MEGF11: variants seen among roughly 807,000 people sequenced by gnomAD.
MEGF11 encodes the protein multiple epidermal growth factor-like domains protein 11.
Under a neutral mutation model 146.6 loss-of-function variants are expected in MEGF11, and 126 were observed. That is an observed-to-expected ratio of 0.86 (90% CI 0.74 to 1.00). MEGF11 has a LOEUF of 1.00. MEGF11 is among the 50% of genes least tolerant of loss of function. The pLI is 0.00. For missense variants in MEGF11, 1,509 were observed against 1,521.2 expected, an observed-to-expected ratio of 0.99 and a Z score of 0.13; for synonymous variants, 532 against 583.4, an observed-to-expected ratio of 0.91 and a Z score of 1.27.
At chr15:66,228,134 G>A (rs2091892439) in intron 1 of MEGF11, among the ~76,000 whole-genome samples, 1 of 152,168 alleles carries the variant, frequency 6.6e-6, no homozygotes, top group Non-Finnish European at 1.5e-5. Flanking sequence ...CTCTGGGGCT[G>A]GAAAGCTGCA....
chr15:65,962,236 G>A (rs144629777), intron 9 of MEGF11, among the ~76,000 whole-genome samples: 29 of 152,302 alleles, frequency 1.9e-4, no homozygotes, highest in African/African-American at 7.0e-4. Flanking sequence ...TCCACATAGA[G>A]GAAGAGAGCT....
At chr15:66,141,705 G>T (rs1014028435) in intron 1 of MEGF11, among the ~76,000 whole-genome samples, 1 of 152,146 alleles carries the variant, frequency 6.6e-6, no homozygotes. Flanking sequence ...GAACTAGGTG[G>T]CCCCGAAGGT....
intron 1 of MEGF11, among the ~76,000 whole-genome samples, chr15:66,247,102 C>T (rs888922766): frequency 6.6e-5 from 10 of 152,150 alleles, no homozygotes; most frequent in Non-Finnish European, 4.4e-5. Context: ...CCTATCCATA[C>T]TTAAGTGCTG....
At chr15:66,227,583 A>G (rs571457472) in intron 1 of MEGF11, among the ~76,000 whole-genome samples, 8 of 152,172 alleles carry the variant, frequency 5.3e-5, no homozygotes, top group Non-Finnish European at 1.0e-4. Flanking sequence ...ACCCACCCGC[A>G]TACCTGCTTC....
chr15:65,981,374 C>T lies in MEGF11; in HGVS notation c.642-476G>A, dbSNP rs568300850. 1.1e-4 allele frequency among the ~76,000 whole-genome samples: 17 copies of T among 152,272 alleles called. No homozygotes were observed. The South Asian group carries it at 3.1e-3, about 28-fold the overall frequency. On this transcript the variant is annotated intron_variant, in intron 6 of 25. Transcript: ENST00000395614. Reference sequence around the variant, plus strand: ...CGTTCCTTCCAGGCTCAGGAAGGCTCCCAGCTCCCATGACAGGCTCATTTG... The same window carrying T: ...CGTTCCTTCCAGGCTCAGGAAGGCTTCCAGCTCCCATGACAGGCTCATTTG...
chr15:66,035,858 T>A lies in MEGF11; in HGVS notation c.395-53370A>T, dbSNP rs116184735. On this transcript the variant is annotated intron_variant, in intron 5 of 25. Transcript: ENST00000395614. ...AACACACATATATATCCACTATCAA[T>A]ATATATTATAGTTTTGCATGTTTTT... Among the ~76,000 whole-genome samples, 457 of 152,350 alleles carry A rather than the reference T, an allele frequency of 3.0e-3. 2 individuals are homozygous for A. Among genetic ancestry groups the A allele is most frequent in the African/African-American group, 0.011 (437 of 41,576 alleles).
intron 15 of MEGF11, among the ~76,000 whole-genome samples, chr15:65,918,989 A>G (rs551240781): frequency 5.3e-5 from 8 of 152,304 alleles, no homozygotes; most frequent in African/African-American, 1.9e-4. Context: ...AATAAAGTCG[A>G]TCCTGGAGAG....
intron 5 of MEGF11, among the ~76,000 whole-genome samples, chr15:66,077,102 C>A (rs1184070714): frequency 1.3e-5 from 2 of 152,204 alleles, no homozygotes; most frequent in African/African-American, 4.8e-5. Context: ...AATGCCAGAG[C>A]CCCTTGGGCT....
At chr15:66,183,962 A>T (rs1408791489) in intron 1 of MEGF11, among the ~76,000 whole-genome samples, 1 of 152,228 alleles carries the variant, frequency 6.6e-6, no homozygotes, top group African/African-American at 2.4e-5. Context: ...ATGAAAGAAG[A>T]CAGGCAAAAA....
intron 10 of MEGF11, among the ~76,000 whole-genome samples, chr15:65,944,563 T>C (rs2080121708): frequency 6.6e-6 from 1 of 152,050 alleles, no homozygotes; most frequent in Non-Finnish European, 1.5e-5. Flanking sequence ...CCAGCCAGGA[T>C]GGCCTTGAGC....
intron 6 of MEGF11, 90 bp from the exon 7 acceptor site, chr15:65,980,988 G>A (rs904426530): frequency 9.8e-6 from 14 of 1,428,114 alleles, no homozygotes; most frequent in African/African-American, 4.3e-5. Flanking sequence ...GAATTCCTCC[G>A]CAGTTAATGG....
Position 66,141,289 on chromosome 15 carries a change from T to TGAGAGAGAGAGA in MEGF11, c.-8-12890_-8-12879dup, listed in dbSNP as rs1169589606. Among the ~76,000 whole-genome samples the TGAGAGAGAGAGA allele has an allele frequency of 5.8e-4, 59 of 101,178 alleles. 1 individual carries two copies. The highest frequency in any genetic ancestry group is 1.2e-3 in the South Asian group (3 of 2,492). The allele number at this position is 101,178 out of a possible 152,430, so 66.4% of individuals were successfully genotyped here. A position where few individuals can be genotyped will look rare whatever the true frequency, so the allele number is the denominator to read the frequency against. On this transcript the variant is annotated intron_variant, in intron 1 of 25. Transcript: ENST00000395614. ...GTGTGTGTGTGTGTGTGTGTGTGTG[T>TGAGAGAGAGAGA]GAGAGAGAGAGAGAGAGAGACAGGG...
intron 12 of MEGF11, among the ~76,000 whole-genome samples, chr15:65,929,402 A>G (rs113638434): frequency 5.3e-5 from 8 of 152,336 alleles, no homozygotes; most frequent in African/African-American, 1.9e-4. Flanking sequence ...GTCTTGTAGC[A>G]CTGGGTTGTG....
chr15:66,007,304 G>A (rs1476791717), intron 5 of MEGF11, among the ~76,000 whole-genome samples: 1 of 152,208 alleles, frequency 6.6e-6, no homozygotes, highest in Non-Finnish European at 1.5e-5. Context: ...GGAAAATAAA[G>A]TCACACATTT....
intron 4 of MEGF11, among the ~76,000 whole-genome samples, chr15:66,099,979 T>C (rs2086718936): frequency 6.6e-6 from 1 of 152,172 alleles, no homozygotes; most frequent in African/African-American, 2.4e-5. Flanking sequence ...GCATAGCCCT[T>C]TCCGTGTCTG....
chr15:66,208,553 G>A (rs1263754649), intron 1 of MEGF11, among the ~76,000 whole-genome samples: 1 of 152,078 alleles, frequency 6.6e-6, no homozygotes, highest in Non-Finnish European at 1.5e-5. Context: ...CAGAGTTGAG[G>A]GACAGGAGAG....
intron 1 of MEGF11, among the ~76,000 whole-genome samples, chr15:66,247,713 C>G (rs1447920239): frequency 6.6e-6 from 1 of 152,066 alleles, no homozygotes; most frequent in African/African-American, 2.4e-5. Flanking sequence ...TGCACTCCAG[C>G]CTGGGCAACA....
At chr15:65,965,580 CTTTCTTTCTTTCTTTCTTTCTTTTTTTTT>C (rs2081040783) in intron 8 of MEGF11, among the ~76,000 whole-genome samples, 1 of 8,986 alleles carries the variant, frequency 1.1e-4, no homozygotes, top group African/African-American at 2.2e-4. Context: ...CCCTTTCTTT[CTTTCTTTCTTTCTTTCTTTCTTTTTTTTT>C]TTTCTTTTTT....
At chr15:65,929,978 A>C in intron 11 of MEGF11, 95 bp from the exon 12 acceptor site, 1 of 1,209,538 alleles carries the variant, frequency 8.3e-7, no homozygotes, top group Non-Finnish European at 1.1e-6. Flanking sequence ...ATTCCACCCA[A>C]ACCACTGCTT....
Sources: gnomAD v4.1 joint callset for allele counts (sites outside exome capture counted in the v4.1 genomes callset) on GRCh38, gnomAD v4.1.1 for gene constraint, MANE v1.5 for transcripts, NCBI Gene and HGNC (gene_info 2026-07-23, HGNC 2026-07-21) for gene names.